SLC35H1: variants seen among roughly 807,000 people sequenced by gnomAD.
SLC35H1 encodes ovarian cancer-overexpressed gene 1 protein.
the SLC35H1 span, chr20:46,358,346 C>A: frequency 1.3e-6 from 2 of 1,578,098 alleles, no homozygotes; most frequent in South Asian, 2.2e-5. Context: ...GCTCTGGCCA[C>A]CTTCATCCCA....
At chr20:46,352,454 A>G in the SLC35H1 span, 1 of 540,472 alleles carries the variant, frequency 1.9e-6, no homozygotes, top group Non-Finnish European at 3.3e-6. Context: ...GCCTGGGGGC[A>G]ATACAAGCCA....
At chr20:46,358,683 GTCCTC>G in the SLC35H1 span, 1 of 1,551,302 alleles carries the variant, frequency 6.4e-7, no homozygotes, top group Non-Finnish European at 8.7e-7. Flanking sequence ...CCCAGGCAGA[GTCCTC>G]ACCTAAGGGG....
the SLC35H1 span, chr20:46,364,398 T>A: frequency 6.6e-6 from 1 of 152,074 alleles, no homozygotes; most frequent in Non-Finnish European, 1.5e-5. Flanking sequence ...CAGGCCGGAA[T>A]CTCCCCACCG....
At chr20:46,351,556 G>C in the SLC35H1 span, among the ~76,000 whole-genome samples, 3 of 152,332 alleles carry the variant, frequency 2.0e-5, no homozygotes, top group South Asian at 4.1e-4. Flanking sequence ...ACAGGCCTGC[G>C]AGGCAGAGGT....
the SLC35H1 span, chr20:46,350,101 T>G: frequency 3.9e-6 from 1 of 258,372 alleles, no homozygotes; most frequent in African/African-American, 2.2e-5. Flanking sequence ...GAGTCTCGGC[T>G]GTCAGAGCCT....
chr20:46,358,462 C>A, the SLC35H1 span: 1 of 1,614,112 alleles, frequency 6.2e-7, no homozygotes, highest in African/African-American at 1.3e-5. Context: ...CCAGGGTCAA[C>A]ACCGCCTTCC....
At chr20:46,358,809 G>A in the SLC35H1 span, 1 of 1,218,696 alleles carries the variant, frequency 8.2e-7, no homozygotes, top group Non-Finnish European at 1.2e-6. Context: ...CAGAGACTGT[G>A]CTTCTCGTAG....
chr20:46,353,960 G>C, the SLC35H1 span, among the ~76,000 whole-genome samples: 2 of 152,128 alleles, frequency 1.3e-5, no homozygotes, highest in African/African-American at 4.8e-5. Flanking sequence ...AAACTTAAAT[G>C]GATGTGGGAC....
At chr20:46,359,080 G>A in the SLC35H1 span, 106 of 365,118 alleles carry the variant, frequency 2.9e-4, no homozygotes, top group African/African-American at 2.2e-3. Context: ...TGGCCCTGCT[G>A]GTCTTCCCAG....
chr20:46,363,652 T>C, the SLC35H1 span, among the ~76,000 whole-genome samples: 1 of 152,224 alleles, frequency 6.6e-6, no homozygotes, highest in Non-Finnish European at 1.5e-5. Flanking sequence ...TACCACAGTC[T>C]AAGCCACAAT....
the SLC35H1 span, chr20:46,356,548 GGCA>G: frequency 6.2e-7 from 1 of 1,612,760 alleles, no homozygotes; most frequent in Non-Finnish European, 8.5e-7. Flanking sequence ...CCTGAAGGGA[GGCA>G]GCAGGGCATG....
At chr20:46,359,433 G>A in the SLC35H1 span, among the ~76,000 whole-genome samples, 3 of 152,170 alleles carry the variant, frequency 2.0e-5, no homozygotes, top group African/African-American at 7.2e-5. Flanking sequence ...ACGCACAGCT[G>A]GTGTACTTTA....
the SLC35H1 span, chr20:46,355,511 G>A: frequency 3.2e-6 from 2 of 621,886 alleles, no homozygotes; most frequent in Non-Finnish European, 5.6e-6. The surrounding 1 kb of genome is among the most constrained non-coding windows in gnomAD (Gnocchi z 4.8). Context: ...CCTCCTCCCT[G>A]GGCCTAACAC....
At chr20:46,355,092 G>A in the SLC35H1 span, 2 of 1,614,142 alleles carry the variant, frequency 1.2e-6, no homozygotes, top group Non-Finnish European at 1.7e-6. The surrounding 1 kb of genome is among the most constrained non-coding windows in gnomAD (Gnocchi z 4.8). Context: ...CCTTCTGCAG[G>A]AGCATCTGGG....
chr20:46,351,952 A>G, the SLC35H1 span: 1 of 1,285,650 alleles, frequency 7.8e-7, no homozygotes, highest in Non-Finnish European at 1.1e-6. Flanking sequence ...TCTTCTCTGC[A>G]GGGCCCTGGG....
chr20:46,358,214 G>A, the SLC35H1 span, among the ~76,000 whole-genome samples: 64 of 152,170 alleles, frequency 4.2e-4, 1 homozygote, highest in Non-Finnish European at 7.1e-4. Flanking sequence ...TCCAAACACT[G>A]AAGGGGAACC....
At chr20:46,360,418 A>C in the SLC35H1 span, among the ~76,000 whole-genome samples, 1 of 152,254 alleles carries the variant, frequency 6.6e-6, no homozygotes, top group Non-Finnish European at 1.5e-5. Flanking sequence ...TAGAGGGTCC[A>C]CACAGAAGGG....
At chr20:46,364,335 G>C in the SLC35H1 span, 23 of 152,360 alleles carry the variant, frequency 1.5e-4, no homozygotes, top group African/African-American at 5.5e-4. Context: ...CCAGCCTCTG[G>C]GAGTGCGCCG....
chr20:46,362,555 C>T, the SLC35H1 span, among the ~76,000 whole-genome samples: 1 of 152,212 alleles, frequency 6.6e-6, no homozygotes, highest in Non-Finnish European at 1.5e-5. Flanking sequence ...GACTCAGTTT[C>T]TCCAACTGTA....
Sources: gnomAD v4.1 joint callset for allele counts (sites outside exome capture counted in the v4.1 genomes callset) on GRCh38, gnomAD v4.1.1 for gene constraint, Gnocchi (gnomAD v3.1) non-coding constraint, MANE v1.5 for transcripts, NCBI Gene and HGNC (gene_info 2026-07-23, HGNC 2026-07-21) for gene names.